The following DCC variants were observed in gnomAD, a reference collection of about 807,000 sequenced individuals.
DCC encodes DCC netrin 1 receptor.
DCC carries 58 observed loss-of-function variants against 172.5 expected under a neutral mutation model. The ratio of observed to expected loss-of-function variants is 0.34; its 90% confidence interval spans 0.27 to 0.42. DCC has a LOEUF of 0.42. Ranked by LOEUF, DCC falls within the 10% of genes least tolerant of loss-of-function variation. The pLI is 1.00. For synonymous variants in DCC, 709 were observed against 644.5 expected (o/e 1.10, Z -1.52); for missense variants, 1,740 against 1,791.0 (o/e 0.97, Z 0.51).
chr18:53,047,428 CATATAT>C (rs58797605), intron 5 of DCC, among the ~76,000 whole-genome samples: 907 of 50,038 alleles, frequency 0.018, 33 homozygotes, highest in East Asian at 0.045. Context: ...ATATATTTTA[CATATAT>C]ATATATATAT....
intron 1 of DCC, among the ~76,000 whole-genome samples, chr18:52,433,236 T>C (rs1454426962): frequency 1.3e-5 from 2 of 152,226 alleles, no homozygotes; most frequent in Non-Finnish European, 1.5e-5. Context: ...CTTGTGTTCA[T>C]TGAAAACTTT....
At chr18:52,453,760 G>C (rs1307826375) in intron 1 of DCC, among the ~76,000 whole-genome samples, 5 of 151,982 alleles carry the variant, frequency 3.3e-5, no homozygotes, top group Admixed American at 6.6e-5. Flanking sequence ...CTCTGTGGCT[G>C]TCATGATAAA....
chr18:52,614,564 GCA>G (rs1220098085), intron 1 of DCC, among the ~76,000 whole-genome samples: 1 of 152,128 alleles, frequency 6.6e-6, no homozygotes, highest in Non-Finnish European at 1.5e-5. Context: ...ATTTTATCAT[GCA>G]CCTTGAGGAT....
chr18:53,240,061 C>G (rs1056599621), intron 12 of DCC, among the ~76,000 whole-genome samples: 1 of 138,908 alleles, frequency 7.2e-6, no homozygotes, highest in Non-Finnish European at 1.6e-5. Context: ...CAACAAAACA[C>G]TTTTTCCCCA....
At chr18:52,482,007 G>C (rs2029982247) in intron 1 of DCC, among the ~76,000 whole-genome samples, 1 of 151,978 alleles carries the variant, frequency 6.6e-6, no homozygotes, top group Non-Finnish European at 1.5e-5. Context: ...CTTAAATAGT[G>C]TTTTAGTCAA....
intron 2 of DCC, among the ~76,000 whole-genome samples, chr18:52,793,604 G>A (rs1258104456): frequency 1.3e-5 from 2 of 152,102 alleles, no homozygotes; most frequent in Non-Finnish European, 2.9e-5. Flanking sequence ...TCTTCACTCT[G>A]TTGATTGCTT....
intron 7 of DCC, among the ~76,000 whole-genome samples, chr18:53,148,479 A>G (rs558218528): frequency 6.6e-6 from 1 of 152,284 alleles, no homozygotes; most frequent in South Asian, 2.1e-4. Flanking sequence ...GAAAGGGTGG[A>G]AACAAAGCGA....
chr18:52,468,766 T>G (rs1185718062), intron 1 of DCC, among the ~76,000 whole-genome samples: 1 of 152,206 alleles, frequency 6.6e-6, no homozygotes, highest in Non-Finnish European at 1.5e-5. Context: ...GATTGCTGTC[T>G]ACACATCTAT....
rs1568074615 is a variant in DCC, at chr18:53,351,319, T to TATA, written c.2359+11412_2359+11413insATA. ...TATATATATATATATATATATACACTGTATATATATATACAGTGTATATAT... is the reference window on the plus strand; with the variant it reads ...TATATATATATATATATATATACACTATAGTATATATATATACAGTGTATATAT... On this transcript the variant is annotated intron_variant, in intron 15 of 28. Coordinates refer to ENST00000442544, the MANE Select transcript of DCC (RefSeq NM_005215.4). 9.6e-3 allele frequency among the ~76,000 whole-genome samples: 214 copies of TATA among 22,222 alleles called. 6 individuals carry two copies. Among genetic ancestry groups the TATA allele is most frequent in the Non-Finnish European group, 0.016 (168 of 10,356 alleles). The allele number at this position is 22,222 out of a possible 152,430, so 14.6% of individuals were successfully genotyped here. A position where few individuals can be genotyped will look rare whatever the true frequency, so the allele number is the denominator to read the frequency against.
chr18:53,534,651 T>C lies in DCC; in HGVS notation c.*3998T>C, dbSNP rs1184457988. 6.6e-6 allele frequency: 1 copy of C among 152,178 alleles called. No individual in the cohort carries two copies. The highest frequency in any genetic ancestry group is 1.5e-5 in the Non-Finnish European group (1 of 68,014). 9.4% of individuals were successfully genotyped at this position (152,178 alleles called of 1,614,324 possible). On this transcript the variant is annotated 3_prime_UTR_variant, in exon 29 of 29. Coordinates refer to ENST00000442544, the MANE Select transcript of DCC (RefSeq NM_005215.4). ...CTTGGGAAAATCATAGATAGGTGTT[T>C]TGTATGATATTCCATTCCAATGCAA...
intron 2 of DCC, among the ~76,000 whole-genome samples, chr18:52,896,991 TAAG>T (rs1312569457): frequency 6.6e-6 from 1 of 152,200 alleles, no homozygotes; most frequent in Non-Finnish European, 1.5e-5. Flanking sequence ...AGGATATTAC[TAAG>T]AAGGATGATT....
At chr18:53,005,112 C>A (rs1411214665) in intron 5 of DCC, among the ~76,000 whole-genome samples, 5 of 152,126 alleles carry the variant, frequency 3.3e-5, no homozygotes, top group Non-Finnish European at 5.9e-5. Flanking sequence ...CAGATGGGGG[C>A]CCCTCAATCT....
chr18:52,639,973 C>G (rs987007506), intron 1 of DCC, among the ~76,000 whole-genome samples: 5 of 152,144 alleles, frequency 3.3e-5, no homozygotes, highest in African/African-American at 7.2e-5. Context: ...TGACAAAATA[C>G]TTGCTAACTG....
chr18:52,532,792 G>A (rs1276176288), intron 1 of DCC, among the ~76,000 whole-genome samples: 2 of 152,026 alleles, frequency 1.3e-5, no homozygotes, highest in Admixed American at 1.3e-4. Flanking sequence ...ATGGGTGGCT[G>A]AGATAAAATT....
At chr18:53,100,954 T>G (rs2043164024) in intron 7 of DCC, among the ~76,000 whole-genome samples, 1 of 123,686 alleles carries the variant, frequency 8.1e-6, no homozygotes, top group Admixed American at 7.6e-5. Flanking sequence ...ATGGGTGTCG[T>G]TACTATCCAG....
chr18:52,416,955 T>A (rs1422986325), intron 1 of DCC, among the ~76,000 whole-genome samples: 1 of 152,170 alleles, frequency 6.6e-6, no homozygotes, highest in Non-Finnish European at 1.5e-5. Context: ...TTGATGCAGT[T>A]TCTTCCTAGC....
At chr18:53,490,682 C>A (rs2045951195) in intron 26 of DCC, among the ~76,000 whole-genome samples, 1 of 152,166 alleles carries the variant, frequency 6.6e-6, no homozygotes, top group Non-Finnish European at 1.5e-5. Flanking sequence ...TGTCATGCCA[C>A]TAAGCCAATT....
At chr18:53,493,200 C>T (rs1478564135) in intron 26 of DCC, among the ~76,000 whole-genome samples, 1 of 152,140 alleles carries the variant, frequency 6.6e-6, no homozygotes, top group Non-Finnish European at 1.5e-5. Context: ...GCTGAAGTTG[C>T]TTATCAGCTT....
At chr18:53,167,640 AT>A (rs760523756) in intron 8 of DCC, among the ~76,000 whole-genome samples, 1 of 152,156 alleles carries the variant, frequency 6.6e-6, no homozygotes, top group Admixed American at 6.6e-5. Context: ...CAATGTAGCC[AT>A]TTTTTTATGC....
Sources: allele counts gnomAD v4.1 joint callset (sites outside exome capture counted in the v4.1 genomes callset), GRCh38; gene constraint gnomAD v4.1.1; transcripts MANE v1.5; gene names NCBI Gene and HGNC (gene_info 2026-07-23, HGNC 2026-07-21).